Variants in TEC observed in about 807,000 individuals in gnomAD.
TEC encodes the protein tec protein tyrosine kinase.
TEC carries 72 observed loss-of-function variants against 93.0 expected under a neutral mutation model. The ratio of observed to expected loss-of-function variants is 0.77; its 90% CI spans 0.64 to 0.94. The LOEUF is 0.94. Ranked by LOEUF, TEC falls within the 40% of genes least tolerant of loss-of-function variation. The pLI, the probability that TEC is intolerant of heterozygous loss-of-function variation, is 0.00. For synonymous variants in TEC, 249 were observed against 247.7 expected, an observed-to-expected ratio of 1.01 and a Z score of -0.05; for missense variants, 630 against 757.9, an observed-to-expected ratio of 0.83 and a Z score of 1.98.
intron 2 of TEC, among the ~76,000 whole-genome samples, chr4:48,177,216 C>A (rs1027339661): frequency 2.9e-4 from 44 of 152,114 alleles, no homozygotes; most frequent in African/African-American, 9.7e-4. Context: ...TAATATAATG[C>A]AGCCACTAAA....
intron 1 of TEC, among the ~76,000 whole-genome samples, chr4:48,248,232 CAT>C (rs1334174847): frequency 6.6e-6 from 1 of 152,130 alleles, no homozygotes; most frequent in Non-Finnish European, 1.5e-5. Context: ...ATAATAAAAA[CAT>C]ATTGTTTCTC....
rs772684125 is a variant in TEC, at chr4:48,255,918, A to G, written c.-46+13834T>C. 2.3e-4 allele frequency among the ~76,000 whole-genome samples: 35 copies of G among 152,312 alleles called. 1 individual carries two copies. Among genetic ancestry groups the G allele is most frequent in the Non-Finnish European group, 4.6e-4 (31 of 68,018 alleles). Reference sequence around the variant, plus strand: ...GAGAGGGCAAGGTCAGCATTTGGATAAATCAGCCCTGGGTCATGTATCATT... The same window carrying G: ...GAGAGGGCAAGGTCAGCATTTGGATGAATCAGCCCTGGGTCATGTATCATT... On this transcript the variant is annotated intron_variant, in intron 1 of 17. Coordinates refer to ENST00000381501, the MANE Select transcript of TEC (RefSeq NM_003215.3).
Position 48,145,054 on chromosome 4 carries a change from T to C in TEC, c.1470+25A>G, listed in dbSNP as rs368549255. 1.9e-6 allele frequency: 3 copies of C among 1,606,486 alleles called. No individual in the cohort carries two copies. The African/African-American group carries it at 4.0e-5, about 22-fold the overall frequency. ...GTTACAAAGGAATTCAGCCAATGAG[T>C]GGGAATATGGGTGGCTAGGGTTACC... is the stretch of plus-strand genomic sequence containing the variant. On this transcript the variant is annotated intron_variant, in intron 14 of 17. Coordinates refer to ENST00000381501, the MANE Select transcript of TEC (RefSeq NM_003215.3).
intron 1 of TEC, among the ~76,000 whole-genome samples, chr4:48,236,368 A>C (rs1200617031): frequency 6.7e-6 from 1 of 149,706 alleles, no homozygotes; most frequent in African/African-American, 2.5e-5. Context: ...GGCAAGCTCC[A>C]CCTCCCGGGT....
At chr4:48,245,650 T>G (rs1163417765) in intron 1 of TEC, among the ~76,000 whole-genome samples, 1 of 152,192 alleles carries the variant, frequency 6.6e-6, no homozygotes, top group African/African-American at 2.4e-5. Flanking sequence ...TAGATGGCAC[T>G]TTGACAGGTA....
At chr4:48,249,404 C>A (rs1480442653) in intron 1 of TEC, among the ~76,000 whole-genome samples, 1 of 152,206 alleles carries the variant, frequency 6.6e-6, no homozygotes, top group African/African-American at 2.4e-5. Flanking sequence ...TTTGGCAAAA[C>A]TTGAGTGAAA....
chr4:48,256,852 G>T (rs919138929), intron 1 of TEC, among the ~76,000 whole-genome samples: 10 of 152,138 alleles, frequency 6.6e-5, no homozygotes, highest in African/African-American at 2.4e-4. Flanking sequence ...AGAGTGTCTA[G>T]GAGTCCCCGG....
At chr4:48,235,581 T>C (rs1178284302) in intron 1 of TEC, among the ~76,000 whole-genome samples, 1 of 152,172 alleles carries the variant, frequency 6.6e-6, no homozygotes, top group Non-Finnish European at 1.5e-5. Flanking sequence ...CTGTGAAATC[T>C]GGACCAAAAT....
chr4:48,224,391 C>A lies in TEC; in HGVS notation c.138+4086G>T, dbSNP rs149876215. On this transcript the variant is annotated intron_variant, in intron 2 of 17. Coordinates refer to ENST00000381501, the MANE Select transcript of TEC (RefSeq NM_003215.3). ...TTCTCTCTCACTATTATTTGTAGAT[C>A]TTTTTCCTGATCAAACTCCAGTGCT... 3.5e-3 allele frequency among the ~76,000 whole-genome samples: 533 copies of A among 152,240 alleles called. 1 individual carries two copies. The highest frequency in any genetic ancestry group is 0.014 in the Middle Eastern group (4 of 294).
intron 10 of TEC, among the ~76,000 whole-genome samples, chr4:48,149,894 T>C (rs1213125056): frequency 3.3e-5 from 5 of 152,242 alleles, no homozygotes; most frequent in African/African-American, 1.2e-4. Context: ...GAAAACATAC[T>C]TGGCCCTTTG....
At chr4:48,142,242 G>A (rs1236758336) in intron 14 of TEC, among the ~76,000 whole-genome samples, 4 of 152,208 alleles carry the variant, frequency 2.6e-5, no homozygotes, top group South Asian at 2.1e-4. Context: ...AGGCTAAGGC[G>A]GGTGGATAAC....
At chr4:48,255,219 A>G (rs931320765) in intron 1 of TEC, among the ~76,000 whole-genome samples, 1 of 152,054 alleles carries the variant, frequency 6.6e-6, no homozygotes, top group Non-Finnish European at 1.5e-5. Flanking sequence ...GCACGGTCCC[A>G]TTCTCTTGTA....
intron 14 of TEC, among the ~76,000 whole-genome samples, chr4:48,144,200 G>C (rs1577695307): frequency 6.6e-6 from 1 of 152,094 alleles, no homozygotes; most frequent in Non-Finnish European, 1.5e-5. Context: ...GGAAGACAAA[G>C]TGAGACCTGT....
intron 3 of TEC, among the ~76,000 whole-genome samples, chr4:48,171,875 CA>C (rs1721126667): frequency 1.3e-5 from 2 of 152,238 alleles, no homozygotes; most frequent in Non-Finnish European, 2.9e-5. Flanking sequence ...ACTACGCCAG[CA>C]CTGTGCTGTG....
chr4:48,151,669 T>C (rs1306755004), intron 9 of TEC, among the ~76,000 whole-genome samples: 2 of 152,224 alleles, frequency 1.3e-5, no homozygotes, highest in Non-Finnish European at 2.9e-5. Context: ...GTATTTTCAG[T>C]AGAGCCGGGG....
In TEC at chr4:48,246,439, T is replaced by C. The variant is rs1387875610; in HGVS notation, c.-45-17780A>G. On this transcript the variant is annotated intron_variant, in intron 1 of 17. Transcript: ENST00000381501. Reference sequence around the variant, plus strand: ...GGACAAGGTGATTCTAAAACCCATATAGTAAAATTAATAGACAAAACTATC... The same window carrying C: ...GGACAAGGTGATTCTAAAACCCATACAGTAAAATTAATAGACAAAACTATC... 2.3e-4 allele frequency among the ~76,000 whole-genome samples: 34 copies of C among 150,346 alleles called. 1 individual carries two copies. The highest frequency in any genetic ancestry group is 2.0e-3 in the Admixed American group (30 of 15,088).
Position 48,145,511 on chromosome 4 carries a change from C to G in TEC, c.1150G>C (p.Val384Leu). The G allele has an allele frequency of 6.2e-7, 1 of 1,614,144 alleles. No homozygotes were observed. The highest frequency in any genetic ancestry group is 8.5e-7 in the Non-Finnish European group (1 of 1,180,014). Residue 384 changes from valine to leucine, a missense_variant, in exon 13 of 18, where the codon GTG becomes CTG. By Grantham distance (32) the Val-to-Leu change is conservative. Transcript: ENST00000381501. Reference protein sequence around the residue: ...RELGSGLFGVVRLGKWRAQYK... With the variant: ...RELGSGLFGVLRLGKWRAQYK... ...TGGGCTCGCCATTTGCCAAGCCTCA[C>G]CACTCCAAACAGTCCACTTCCCAAT...
At chr4:48,186,802 G>T (rs1206140766) in intron 2 of TEC, among the ~76,000 whole-genome samples, 1 of 149,602 alleles carries the variant, frequency 6.7e-6, no homozygotes, top group Non-Finnish European at 1.5e-5. Flanking sequence ...CGCCCCATCT[G>T]GGAGGGAGGT....
intron 14 of TEC, among the ~76,000 whole-genome samples, chr4:48,142,126 C>T (rs1171305984): frequency 2.0e-5 from 3 of 152,168 alleles, no homozygotes; most frequent in Admixed American, 6.5e-5. Flanking sequence ...AAATGATGGG[C>T]GACCAATCTC....
Sources: gnomAD v4.1 joint callset for allele counts (sites outside exome capture counted in the v4.1 genomes callset) on GRCh38, gnomAD v4.1.1 for gene constraint, MANE v1.5 for transcripts, NCBI Gene and HGNC (gene_info 2026-07-23, HGNC 2026-07-21) for gene names.